The following AS3MT variants were observed in gnomAD, a reference collection of about 807,000 sequenced individuals.
AS3MT encodes the protein arsenite methyltransferase.
In AS3MT, 47 loss-of-function variants were observed where a neutral mutation model predicts 45.3. The ratio of observed to expected loss-of-function variants is 1.04; its 90% CI spans 0.82 to 1.32. AS3MT has a LOEUF of 1.32. Among genes scored for constraint, AS3MT ranks in the 40% most tolerant of loss-of-function variants. The pLI is 0.00. For missense variants in AS3MT, 396 were observed against 451.1 expected, an observed-to-expected ratio of 0.88 and a Z score of 1.11; for synonymous variants, 141 against 152.8, an observed-to-expected ratio of 0.92 and a Z score of 0.57.
Position 102,889,614 on chromosome 10 carries a change from G to GCCTGCCTGCCTTCCTT in AS3MT, c.886-927_886-926insGCCTGCCTTCCTTCCT, listed in dbSNP as rs559139049. 7.9e-3 allele frequency among the ~76,000 whole-genome samples: 896 copies of GCCTGCCTGCCTTCCTT among 113,964 alleles called. 15 individuals carry two copies. Among genetic ancestry groups the GCCTGCCTGCCTTCCTT allele is most frequent in the African/African-American group, 0.02 (656 of 32,024 alleles). The allele number at this position is 113,964 out of a possible 152,430, so 74.8% of individuals were successfully genotyped here. A position where few individuals can be genotyped will look rare whatever the true frequency, so the allele number is the denominator to read the frequency against. ...CTTCCCTTCCCCTGCCTGTCTGCCT[G>GCCTGCCTGCCTTCCTT]CCTTCCTTCCTTCCTTCCTTCCTTC... On this transcript the variant is annotated intron_variant, in intron 9 of 10. Transcript: ENST00000369880.
intron 9 of AS3MT, among the ~76,000 whole-genome samples, chr10:102,884,116 C>A (rs570585556): frequency 6.6e-6 from 1 of 151,684 alleles, no homozygotes; most frequent in African/African-American, 2.4e-5. Flanking sequence ...GTAGCTGGGA[C>A]TATAGGTGTG....
intron 9 of AS3MT, among the ~76,000 whole-genome samples, chr10:102,886,697 C>T (rs1287268277): frequency 6.6e-6 from 1 of 152,094 alleles, no homozygotes; most frequent in East Asian, 1.9e-4. Flanking sequence ...AATCATGGCT[C>T]ACAGCAGCTT....
chr10:102,891,055 ATGT>A (rs1845062639), intron 10 of AS3MT, among the ~76,000 whole-genome samples: 1 of 152,096 alleles, frequency 6.6e-6, no homozygotes, highest in East Asian at 1.9e-4. Context: ...TGCTGGTCAA[ATGT>A]TGTTAGACGG....
At chr10:102,891,753 G>A (rs1213279294) in intron 10 of AS3MT, among the ~76,000 whole-genome samples, 1 of 151,952 alleles carries the variant, frequency 6.6e-6, no homozygotes, top group African/African-American at 2.4e-5. Flanking sequence ...TTTGACACCA[G>A]CCTGGGTAAC....
chr10:102,872,610 T>G lies in AS3MT; in HGVS notation c.321+12T>G. 6.3e-7 allele frequency: 1 copy of G among 1,579,142 alleles called. No individual in the cohort carries two copies. Among genetic ancestry groups the G allele is most frequent in the South Asian group, 1.2e-5 (1 of 85,738 alleles). On this transcript the variant is annotated intron_variant, in intron 4 of 10. Transcript: ENST00000369880. ...TGACCAAAGGCCAGGTGAGGCATGATTTGGAAGACAAGGAGAAAAAGATTC... is the reference window on the plus strand; with the variant it reads ...TGACCAAAGGCCAGGTGAGGCATGAGTTGGAAGACAAGGAGAAAAAGATTC...
At chr10:102,874,172 G>A (rs1211576950) in intron 5 of AS3MT, among the ~76,000 whole-genome samples, 2 of 151,920 alleles carry the variant, frequency 1.3e-5, no homozygotes, top group African/African-American at 4.8e-5. Flanking sequence ...AGAATCACTT[G>A]AACCCGGGAG....
At chr10:102,879,493 C>T (rs1312282708) in intron 9 of AS3MT, among the ~76,000 whole-genome samples, 3 of 151,770 alleles carry the variant, frequency 2.0e-5, no homozygotes, top group Non-Finnish European at 2.9e-5. Flanking sequence ...TGGCCAGGTG[C>T]GGTGGCTCAC....
At chr10:102,877,559 CAAAAAA>C (rs199723619) in intron 7 of AS3MT, among the ~76,000 whole-genome samples, 1 of 94,394 alleles carries the variant, frequency 1.1e-5, no homozygotes. Flanking sequence ...TGGAAAGTGC[CAAAAAA>C]AAAAAAAAAA....
rs986327841 is a variant in AS3MT at position 102,882,871 on chromosome 10, G to A, written c.885+3880G>A. ...CTCCCAAAGTGCTGGGATTACAGGC[G>A]TGAGCCACTGTGCCCGGCTGCATCT... On this transcript the variant is annotated intron_variant, in intron 9 of 10. Coordinates refer to ENST00000369880, the MANE Select transcript of AS3MT (RefSeq NM_020682.4). Among the ~76,000 whole-genome samples, 8 of 152,036 alleles carry A rather than the reference G, an allele frequency of 5.3e-5. No homozygotes were observed. The East Asian group carries it at 1.4e-3, about 26-fold the overall frequency.
At chr10:102,894,313 C>T (rs1188354933) in intron 10 of AS3MT, among the ~76,000 whole-genome samples, 1 of 151,798 alleles carries the variant, frequency 6.6e-6, no homozygotes, top group African/African-American at 2.4e-5. Context: ...GTCCCAGCTA[C>T]TTGGGAGGCT....
chr10:102,875,476 C>CAAAAAA, intron 6 of AS3MT, among the ~76,000 whole-genome samples: 1 of 39,656 alleles, frequency 2.5e-5, no homozygotes, highest in East Asian at 7.7e-4. Context: ...GACTCCATCT[C>CAAAAAA]AAAAAAAAAA....
At chr10:102,893,329 G>T (rs1430375243) in intron 10 of AS3MT, among the ~76,000 whole-genome samples, 1 of 151,742 alleles carries the variant, frequency 6.6e-6, no homozygotes, top group Non-Finnish European at 1.5e-5. Flanking sequence ...TTTTTTTGGT[G>T]GGGGAGGGGG....
chr10:102,900,468 T>C, intron 10 of AS3MT, 125 bp from the exon 11 acceptor site: 1 of 643,608 alleles, frequency 1.6e-6, no homozygotes. Flanking sequence ...TCCCAGGATC[T>C]CATGGAATTG....
rs1227595170 is a variant in AS3MT, at chr10:102,893,496, T to TC, written c.1020+2818_1020+2819insC. Among the ~76,000 whole-genome samples the TC allele has an allele frequency of 3.2e-4, 40 of 125,290 alleles. No homozygotes were observed. In the East Asian group the frequency reaches 8.8e-3, roughly 28 times the overall value. The allele number at this position is 125,290 out of a possible 152,430, so 82.2% of individuals were successfully genotyped here. On this transcript the variant is annotated intron_variant, in intron 10 of 10. Coordinates refer to ENST00000369880, the MANE Select transcript of AS3MT (RefSeq NM_020682.4). ...ACCATGCCTGGCTAATTTTTTTTTC[T>TC]TTTTTTTTTTTTTTTCCGAGATGGA...
At chr10:102,894,118 G>T (rs1480936081) in intron 10 of AS3MT, among the ~76,000 whole-genome samples, 1 of 151,950 alleles carries the variant, frequency 6.6e-6, no homozygotes, top group East Asian at 1.9e-4. Flanking sequence ...AGAATGCGGA[G>T]AAAGTAAATC....
rs760664254 is a variant in AS3MT at position 102,870,131 on chromosome 10, C to A, written c.90C>A (p.Asn30Lys). 6.2e-7 allele frequency: 1 copy of A among 1,614,130 alleles called. No homozygotes were observed. The highest frequency in any genetic ancestry group is 8.5e-7 in the Non-Finnish European group (1 of 1,180,004). ...AGAGATCGGCAGACCTCCAGACCAA[C>A]GGCTGTGTCACCACAGCCAGGCCGG... Reference protein sequence around the residue: ...VLKRSADLQTNGCVTTARPVP... With the variant: ...VLKRSADLQTKGCVTTARPVP... Residue 30 changes from asparagine (N) to lysine (K), a missense_variant, in exon 3 of 11, where the codon AAC becomes AAA. Coordinates refer to ENST00000369880, the MANE Select transcript of AS3MT (RefSeq NM_020682.4).
intron 10 of AS3MT, among the ~76,000 whole-genome samples, chr10:102,893,380 G>A (rs779554516): frequency 1.3e-5 from 2 of 152,038 alleles, no homozygotes; most frequent in African/African-American, 2.4e-5. Context: ...GTGCAGTGGC[G>A]TGATCTCATC....
chr10:102,877,035 G>T lies in AS3MT; in HGVS notation c.610G>T (p.Gly204Cys). The change falls in exon 7 of 11, where the codon GGT (glycine) becomes TGT (cysteine). Residue 204 changes from glycine (G) to cysteine (C), a missense_variant and splice_region_variant. Transcript: ENST00000369880. The stretch of plus-strand genomic sequence containing the variant: ...AATCAGGACACACAAAGTTTTATGG[G>T]GTAGGTGATTTTGTTTAGTTTAGTA... ...EEIRTHKVLW[G>C]ECLGGALYWK... is the part of the protein sequence containing the mutation. The T allele has an allele frequency of 6.2e-7, 1 of 1,613,846 alleles. No homozygotes were observed. The highest frequency in any genetic ancestry group is 8.5e-7 in the Non-Finnish European group (1 of 1,179,770).
intron 10 of AS3MT, among the ~76,000 whole-genome samples, chr10:102,895,420 C>T (rs745881182): frequency 6.6e-6 from 1 of 151,944 alleles, no homozygotes; most frequent in South Asian, 2.1e-4. Context: ...AGCCTGGTCT[C>T]GAACTCCTGA....
Sources: allele counts gnomAD v4.1 joint callset (sites outside exome capture counted in the v4.1 genomes callset), GRCh38; gene constraint gnomAD v4.1.1; transcripts MANE v1.5; gene names NCBI Gene and HGNC (gene_info 2026-07-23, HGNC 2026-07-21).